Variants in ZPBP observed in about 807,000 individuals in gnomAD.
The protein encoded by ZPBP is zona pellucida binding protein.
ZPBP carries 26 observed loss-of-function variants against 44.8 expected under a neutral mutation model. That is an observed-to-expected ratio of 0.58 (90% confidence interval 0.43 to 0.81). The LOEUF is 0.81. ZPBP is among the 30% of genes least tolerant of loss of function. ZPBP has a pLI of 0.00. For missense variants in ZPBP, 409 were observed against 434.0 expected, an observed-to-expected ratio of 0.94 and a Z score of 0.51; for synonymous variants, 174 against 153.2, an observed-to-expected ratio of 1.14 and a Z score of -1.00.
At chr7:49,980,012 T>TA (rs1796722268) in intron 7 of ZPBP, among the ~76,000 whole-genome samples, 1 of 84,384 alleles carries the variant, frequency 1.2e-5, no homozygotes, top group East Asian at 3.2e-4. Flanking sequence ...ATTATATATA[T>TA]TATAATATAA....
chr7:49,985,538 T>C (rs1272100311), intron 6 of ZPBP, among the ~76,000 whole-genome samples: 1 of 151,840 alleles, frequency 6.6e-6, no homozygotes, highest in Non-Finnish European at 1.5e-5. Context: ...ATGAAATTAA[T>C]TGCATTTAAA....
intron 4 of ZPBP, among the ~76,000 whole-genome samples, chr7:50,035,359 C>T (rs1435485433): frequency 6.6e-6 from 1 of 152,214 alleles, no homozygotes; most frequent in Non-Finnish European, 1.5e-5. Context: ...CAGCACAGTT[C>T]AAGGCCACTG....
At chr7:49,865,005 C>T (rs1323615295) in intron 2 of ZPBP, among the ~76,000 whole-genome samples, 1 of 74,832 alleles carries the variant, frequency 1.3e-5, no homozygotes, top group African/African-American at 3.9e-5. Flanking sequence ...GAGCTGCCTA[C>T]TCTCAATTTT....
intron 1 of ZPBP, chr7:49,913,012 G>A (rs1427139193): frequency 1.3e-5 from 2 of 152,194 alleles, no homozygotes; most frequent in African/African-American, 2.4e-5. Flanking sequence ...CAAAATAGGG[G>A]AGGAGTCCTT....
intron 4 of ZPBP, among the ~76,000 whole-genome samples, chr7:50,043,799 G>A (rs1326424890): frequency 6.6e-6 from 1 of 152,170 alleles, no homozygotes; most frequent in African/African-American, 2.4e-5. Context: ...CTTGAACTCA[G>A]TTCTGGACCA....
the ZPBP span, among the ~76,000 whole-genome samples, chr7:49,844,849 C>T: frequency 6.6e-6 from 1 of 152,104 alleles, no homozygotes; most frequent in Non-Finnish European, 1.5e-5. Flanking sequence ...CCCGCCACTA[C>T]GTCCAACTAA....
At chr7:49,931,876 G>T (rs756503696) in intron 1 of ZPBP, among the ~76,000 whole-genome samples, 1 of 152,230 alleles carries the variant, frequency 6.6e-6, no homozygotes, top group Admixed American at 6.5e-5. Context: ...TAGGGCCATG[G>T]TGCCCTGCAC....
chr7:50,020,629 G>A (rs1380021357), intron 5 of ZPBP, among the ~76,000 whole-genome samples: 1 of 151,902 alleles, frequency 6.6e-6, no homozygotes, highest in Non-Finnish European at 1.5e-5. Context: ...CAATCACCTA[G>A]CTTTTTGTAA....
intron 2 of ZPBP, among the ~76,000 whole-genome samples, chr7:49,882,459 G>C (rs1791709263): frequency 6.6e-6 from 1 of 152,076 alleles, no homozygotes; most frequent in African/African-American, 2.4e-5. Flanking sequence ...GATTTTCACT[G>C]TAAAGAGAAA....
At chr7:49,852,394 C>T (rs2128716963) in intron 2 of ZPBP, among the ~76,000 whole-genome samples, 1 of 152,348 alleles carries the variant, frequency 6.6e-6, no homozygotes, top group African/African-American at 2.4e-5. Flanking sequence ...GGCCTGTTCA[C>T]TCATCTCCTT....
At chr7:49,893,254 C>A (rs533705396) in intron 2 of ZPBP, among the ~76,000 whole-genome samples, 2 of 151,970 alleles carry the variant, frequency 1.3e-5, no homozygotes, top group African/African-American at 4.8e-5. Context: ...CTAGGTTCCA[C>A]GAATCTAGAA....
At chr7:49,878,704 A>G (rs75510638) in intron 2 of ZPBP, among the ~76,000 whole-genome samples, 4,807 of 152,088 alleles carry the variant, frequency 0.032, 239 homozygotes, top group African/African-American at 0.11. Flanking sequence ...GTTCTCTGCC[A>G]TAATCTTTTA....
chr7:49,885,453 C>G (rs1401595254), intron 2 of ZPBP, among the ~76,000 whole-genome samples: 1 of 151,496 alleles, frequency 6.6e-6, no homozygotes, highest in African/African-American at 2.4e-5. Flanking sequence ...CTTATTGATA[C>G]AGATGTAAGA....
chr7:50,052,409 C>T (rs1800739565), intron 4 of ZPBP, among the ~76,000 whole-genome samples: 2 of 152,124 alleles, frequency 1.3e-5, no homozygotes, highest in African/African-American at 2.4e-5. Flanking sequence ...AATATTACTT[C>T]ACACCTATCA....
intron 1 of ZPBP, chr7:49,921,665 C>T (rs1794024047): frequency 6.6e-6 from 1 of 152,228 alleles, no homozygotes; most frequent in South Asian, 2.1e-4. Flanking sequence ...GTGTTTATAA[C>T]ATAATACATT....
chr7:50,007,386 A>G (rs1362971303), intron 6 of ZPBP, among the ~76,000 whole-genome samples: 1 of 152,052 alleles, frequency 6.6e-6, no homozygotes, highest in Non-Finnish European at 1.5e-5. Flanking sequence ...AGGAAATTGA[A>G]TCAGTAACAA....
chr7:49,925,841 A>G (rs573966833), intron 1 of ZPBP, among the ~76,000 whole-genome samples: 6 of 152,286 alleles, frequency 3.9e-5, no homozygotes, highest in Non-Finnish European at 8.8e-5. Context: ...GGCAGTCACT[A>G]TCAAATTTTG....
intron 2 of ZPBP, among the ~76,000 whole-genome samples, chr7:49,900,714 G>A (rs1792677385): frequency 6.6e-6 from 1 of 151,716 alleles, no homozygotes; most frequent in South Asian, 2.1e-4. Context: ...GATCACTGGT[G>A]AATTATACCA....
rs1797115282 is a variant in ZPBP, at chr7:49,983,421, G to A, written c.882C>T (p.Leu294=). ...LPQIYYIEGT[L]QMVWINRCFP... The stretch of plus-strand genomic sequence containing the variant: ...AGCAGCGATTAATCCAAACCATTTG[G>A]AGAGTACCTTCAATATAGTATATTT... Residue 294 remains leucine, a synonymous_variant, in exon 7 of 8, where the codon CTC becomes CTT. Coordinates refer to ENST00000046087, the MANE Select transcript of ZPBP (RefSeq NM_007009.3). 2 of 1,613,076 alleles carry A rather than the reference G, an allele frequency of 1.2e-6. No homozygotes were observed. The highest frequency in any genetic ancestry group is 4.5e-5 in the East Asian group (2 of 44,754).
Sources: gnomAD v4.1 joint callset for allele counts (sites outside exome capture counted in the v4.1 genomes callset) on GRCh38, gnomAD v4.1.1 for gene constraint, MANE v1.5 for transcripts, NCBI Gene and HGNC (gene_info 2026-07-23, HGNC 2026-07-21) for gene names.